Variants in HSD17B7 observed in about 807,000 individuals in gnomAD.
HSD17B7 encodes hydroxysteroid 17-beta dehydrogenase 7.
Under a neutral mutation model 34.1 loss-of-function variants are expected in HSD17B7, and 17 were observed. The observed-to-expected ratio is 0.50, with a 90% CI of 0.34 to 0.75. The LOEUF is 0.75. Among genes scored for constraint, HSD17B7 ranks in the 30% least tolerant of loss-of-function variants. The pLI is 0.01. For missense variants in HSD17B7, 296 were observed against 406.6 expected (o/e 0.73, Z 2.34); for synonymous variants, 122 against 154.6 (o/e 0.79, Z 1.56).
chr1:162,793,032 T>TTTC (rs372323651), intron 2 of HSD17B7, 170 bp downstream of exon 2: 8,050 of 310,046 alleles, frequency 0.026, 135 homozygotes, highest in African/African-American at 0.24. Context: ...GTTTTCTTTC[T>TTTC]TTTTTTTTTT....
Position 162,796,508 on chromosome 1 carries a change from T to C in HSD17B7, c.240-77T>C, listed in dbSNP as rs540322087. ...CTTAGGCCTCCTTGATTCTAGTCAC[T>C]CTAGAGATAGAATACACAATCTTGT... On this transcript the variant is annotated intron_variant, in intron 2 of 8. Coordinates refer to ENST00000254521, the MANE Select transcript of HSD17B7 (RefSeq NM_016371.4). The C allele has an allele frequency of 1.7e-5, 15 of 901,882 alleles. No homozygotes were observed. The East Asian group carries it at 3.4e-4, about 20-fold the overall frequency. The allele number at this position is 901,882 out of a possible 1,614,324, so 55.9% of individuals were successfully genotyped here.
At chr1:162,799,134 CTTTA>C (rs919143773) in intron 4 of HSD17B7, among the ~76,000 whole-genome samples, 1 of 66,994 alleles carries the variant, frequency 1.5e-5, no homozygotes, top group Non-Finnish European at 3.0e-5. Context: ...GTCAGTTCTC[CTTTA>C]TTTATGTCTT....
At chr1:162,801,210 A>T (rs571346818) in intron 5 of HSD17B7, among the ~76,000 whole-genome samples, 12 of 152,214 alleles carry the variant, frequency 7.9e-5, no homozygotes, top group Non-Finnish European at 1.6e-4. Flanking sequence ...TCCTGACCTC[A>T]GGTATCTGCC....
intron 8 of HSD17B7, among the ~76,000 whole-genome samples, chr1:162,811,318 G>A (rs189321890): frequency 4.6e-5 from 7 of 152,138 alleles, no homozygotes; most frequent in African/African-American, 1.4e-4. Context: ...CAAGAGATCC[G>A]CTGTTAGTCT....
Position 162,796,573 on chromosome 1 carries a change from G to T in HSD17B7, c.240-12G>T. 6.5e-7 allele frequency: 1 copy of T among 1,543,132 alleles called. No homozygotes were observed. Among genetic ancestry groups the T allele is most frequent in the Non-Finnish European group, 9.0e-7 (1 of 1,115,908 alleles). ...TTGCAACTCACAATCTTGTTTGGTG[G>T]TTTACTTGCAGGTTTCAGAGATTAG... On this transcript the variant is annotated splice_polypyrimidine_tract_variant and intron_variant, in intron 2 of 8. Transcript: ENST00000254521.
rs11577831 is a variant in HSD17B7 at position 162,810,185 on chromosome 1, G to A, written c.904-2113G>A. ...CATTGGTTTCAAAGAACATCTTTAC[G>A]TCTGCCCTCATTTCGTTATGTACCC... On this transcript the variant is annotated intron_variant, in intron 8 of 8. Transcript: ENST00000254521. Among the ~76,000 whole-genome samples, 1,108 of 152,114 alleles carry A rather than the reference G, an allele frequency of 7.3e-3. 14 individuals carry two copies. The highest frequency in any genetic ancestry group is 0.025 in the African/African-American group (1,053 of 41,500).
chr1:162,805,335 A>C (rs1312462159), intron 7 of HSD17B7, 59 bp from the exon 8 acceptor site: 2 of 1,593,262 alleles, frequency 1.3e-6, no homozygotes, highest in African/African-American at 2.7e-5. Context: ...GTGAATCTCC[A>C]CCAGCCTCAC....
chr1:162,812,232 T>C (rs1284162512), intron 8 of HSD17B7, 66 bp from the exon 9 acceptor site: 16 of 1,536,178 alleles, frequency 1.0e-5, no homozygotes, highest in African/African-American at 1.4e-5. Flanking sequence ...AATGCCTTTT[T>C]TTTATACAAA....
At chr1:162,800,804 G>T (rs1190123762) in intron 5 of HSD17B7, among the ~76,000 whole-genome samples, 3 of 152,186 alleles carry the variant, frequency 2.0e-5, no homozygotes, top group Non-Finnish European at 2.9e-5. Flanking sequence ...CCAGGTTTAG[G>T]GTTGAGGAGG....
rs769592375 is a variant in HSD17B7 at position 162,790,831 on chromosome 1, A to G, written c.31A>G (p.Ser11Gly). The G allele has an allele frequency of 5.5e-5, 89 of 1,613,828 alleles. No homozygotes were observed. The highest frequency in any genetic ancestry group is 7.3e-5 in the Non-Finnish European group (86 of 1,179,932). ...AAAGGTGGTTTTGATCACCGGGGCTAGCAGGTGAGGCCTCCTTTGGGTTGG... is the reference window on the plus strand; with the variant it reads ...AAAGGTGGTTTTGATCACCGGGGCTGGCAGGTGAGGCCTCCTTTGGGTTGG... MRKVVLITGASSGIGLALCKR... is the reference protein window; with the variant it reads MRKVVLITGAGSGIGLALCKR... Residue 11 changes from serine (S) to glycine (G), a missense_variant, in exon 1 of 9, where the codon AGC (serine) becomes GGC (glycine). Physicochemically the swap from Ser to Gly is moderately conservative, Grantham distance 56. Coordinates refer to ENST00000254521, the MANE Select transcript of HSD17B7 (RefSeq NM_016371.4).
chr1:162,810,444 G>A lies in HSD17B7; in HGVS notation c.904-1854G>A, dbSNP rs560804175. 3.3e-5 allele frequency among the ~76,000 whole-genome samples: 5 copies of A among 152,340 alleles called. No individual in the cohort carries two copies. In the East Asian group the frequency reaches 9.6e-4, roughly 29 times the overall value. ...ATATTCTGTGGATTTGGGGTGGAGAGTTCTGTAGATGTCTATTAGGTCTGA... is the reference window on the plus strand; with the variant it reads ...ATATTCTGTGGATTTGGGGTGGAGAATTCTGTAGATGTCTATTAGGTCTGA... On this transcript the variant is annotated intron_variant, in intron 8 of 8. Transcript: ENST00000254521.
At position 162,799,817 on chromosome 1, in the gene HSD17B7, A is replaced by G; in HGVS notation, c.522A>G (p.Ala174=). 4 of 1,614,030 alleles carry G rather than the reference A, an allele frequency of 2.5e-6. No homozygotes were observed. The highest frequency in any genetic ancestry group is 3.4e-6 in the Non-Finnish European group (4 of 1,179,970). The part of the protein sequence containing the change: ...SQLIWTSSRS[A]RKSNFSLEDF... ...TCATCTGGACATCATCTCGCAGTGC[A>G]AGGAAATCTAATTTCAGCCTCGAGG... Residue 174 remains alanine (A), a synonymous_variant, in exon 5 of 9, where the codon GCA becomes GCG. Transcript: ENST00000254521.
chr1:162,800,101 T>G (rs1648756645), intron 5 of HSD17B7, 164 bp downstream of exon 5: 3 of 718,800 alleles, frequency 4.2e-6, no homozygotes, highest in Non-Finnish European at 7.7e-6. Flanking sequence ...CTCCTGACAT[T>G]ATAGTTATAG....
intron 8 of HSD17B7, among the ~76,000 whole-genome samples, chr1:162,810,123 G>A (rs570219550): frequency 6.6e-6 from 1 of 152,160 alleles, no homozygotes; most frequent in Non-Finnish European, 1.5e-5. Context: ...TGCTTTAAAT[G>A]TGTCCCAGAG....
At chr1:162,793,713 ATCTT>A (rs1196441504) in intron 2 of HSD17B7, among the ~76,000 whole-genome samples, 9 of 152,228 alleles carry the variant, frequency 5.9e-5, no homozygotes, top group Non-Finnish European at 1.3e-4. Context: ...CATTTTTTAC[ATCTT>A]TCTTCACATA....
intron 5 of HSD17B7, among the ~76,000 whole-genome samples, chr1:162,801,276 G>C (rs942632254): frequency 7.2e-5 from 11 of 152,158 alleles, no homozygotes; most frequent in African/African-American, 2.2e-4. Flanking sequence ...CCTGAATCAT[G>C]CCTCTTATAA....
Position 162,812,441 on chromosome 1 carries a change from A to G in HSD17B7, c.*21A>G. 1.3e-6 allele frequency: 2 copies of G among 1,562,432 alleles called. No homozygotes were observed. Among genetic ancestry groups the G allele is most frequent in the South Asian group, 2.3e-5 (2 of 86,350 alleles). The stretch of plus-strand genomic sequence containing the variant: ...TATAATTCCAGCACTTTGGGAGGCC[A>G]AGGCAGAAGGATCACTTGAGACCAG... On this transcript the variant is annotated 3_prime_UTR_variant, in exon 9 of 9. Transcript: ENST00000254521.
intron 8 of HSD17B7, 118 bp from the exon 9 acceptor site, chr1:162,812,180 G>A: frequency 7.7e-7 from 1 of 1,303,676 alleles, no homozygotes; most frequent in Non-Finnish European, 1.0e-6. Flanking sequence ...CTGCCACCAT[G>A]GCCCTTTCCT....
intron 1 of HSD17B7, among the ~76,000 whole-genome samples, chr1:162,792,192 T>C (rs1462868248): frequency 6.6e-6 from 1 of 152,240 alleles, no homozygotes; most frequent in East Asian, 1.9e-4. Flanking sequence ...TTTCTGGTGC[T>C]CCTTATGGTG....
Sources: gnomAD v4.1 joint callset for allele counts (sites outside exome capture counted in the v4.1 genomes callset) on GRCh38, gnomAD v4.1.1 for gene constraint, MANE v1.5 for transcripts, NCBI Gene and HGNC (gene_info 2026-07-23, HGNC 2026-07-21) for gene names.